Variants in PRKCE observed in about 807,000 individuals in gnomAD.
PRKCE encodes the protein protein kinase C epsilon type.
In PRKCE, 16 loss-of-function variants were observed where a neutral mutation model predicts 85.4. That is an observed-to-expected ratio of 0.19 (90% CI 0.13 to 0.28). PRKCE has a LOEUF of 0.28. PRKCE is among the 10% of genes least tolerant of loss of function. The probability of loss-of-function intolerance (pLI) is 1.00; values close to 1 mark genes in which losing one functional copy is unlikely to be tolerated. For synonymous variants in PRKCE, 388 were observed against 371.5 expected, an observed-to-expected ratio of 1.04 and a Z score of -0.51; for missense variants, 573 against 975.2, an observed-to-expected ratio of 0.59 and a Z score of 5.49.
At chr2:45,934,931 T>G (rs1432532142) in intron 2 of PRKCE, among the ~76,000 whole-genome samples, 4 of 150,454 alleles carry the variant, frequency 2.7e-5, no homozygotes, top group Admixed American at 2.6e-4. Context: ...CATGGTGGCA[T>G]GTGCCTGTAG....
At chr2:46,032,203 G>C (rs1020947015) in intron 10 of PRKCE, among the ~76,000 whole-genome samples, 3 of 151,922 alleles carry the variant, frequency 2.0e-5, no homozygotes, top group African/African-American at 7.2e-5. Flanking sequence ...TTATCTTCAT[G>C]GTGCTTTTGC....
chr2:45,955,516 G>A (rs1017484034), intron 2 of PRKCE, among the ~76,000 whole-genome samples: 3 of 152,128 alleles, frequency 2.0e-5, no homozygotes, highest in African/African-American at 4.8e-5. Context: ...CCTAGTTATA[G>A]GCTATTTACA....
chr2:45,738,705 G>A (rs17034089), intron 1 of PRKCE, among the ~76,000 whole-genome samples: 1,828 of 152,312 alleles, frequency 0.012, 36 homozygotes, highest in African/African-American at 0.042. Context: ...ATAACTCTGA[G>A]ATGTTTGATT....
intron 2 of PRKCE, among the ~76,000 whole-genome samples, chr2:45,868,319 C>CAAAAAAA (rs371501864): frequency 1.4e-3 from 50 of 35,994 alleles, no homozygotes; most frequent in African/African-American, 4.9e-3. Context: ...CTTTCCTGTC[C>CAAAAAAA]AAAAAAAAAA....
intron 11 of PRKCE, among the ~76,000 whole-genome samples, chr2:46,099,157 G>T (rs1558453172): frequency 6.6e-6 from 1 of 152,098 alleles, no homozygotes; most frequent in Non-Finnish European, 1.5e-5. Flanking sequence ...AGCCTGCCAT[G>T]ACTCCATTAT....
intron 1 of PRKCE, among the ~76,000 whole-genome samples, chr2:45,708,715 G>A (rs1280860049): frequency 6.6e-6 from 1 of 152,200 alleles, no homozygotes; most frequent in African/African-American, 2.4e-5. Context: ...GTGTGGTCCT[G>A]TGGCTCAATT....
rs146513953 is a variant in PRKCE, at chr2:46,020,092, C to T, written c.1437+9575C>T. 1.1e-3 allele frequency among the ~76,000 whole-genome samples: 161 copies of T among 152,130 alleles called. 2 individuals are homozygous for T. The East Asian group carries it at 0.026, about 25-fold the overall frequency. On this transcript the variant is annotated intron_variant, in intron 10 of 14. Transcript: ENST00000306156. Reference sequence around the variant, plus strand: ...CTCGAACTCCTGACCTCAAGTGATCCGCCTGCCTCGGCCTTCCACAATGCT... The same window carrying T: ...CTCGAACTCCTGACCTCAAGTGATCTGCCTGCCTCGGCCTTCCACAATGCT...
chr2:46,072,874 G>T (rs1574396693), intron 10 of PRKCE, among the ~76,000 whole-genome samples: 1 of 152,166 alleles, frequency 6.6e-6, no homozygotes, highest in South Asian at 2.1e-4. Context: ...ACCAACACAT[G>T]AAATTATCAG....
intron 11 of PRKCE, among the ~76,000 whole-genome samples, chr2:46,136,303 T>G (rs576596720): frequency 9.6e-4 from 147 of 152,346 alleles, no homozygotes; most frequent in African/African-American, 3.5e-3. Flanking sequence ...TGTTTCCTAT[T>G]CTTTCTGATA....
chr2:45,904,712 C>T (rs968294164), intron 2 of PRKCE, among the ~76,000 whole-genome samples: 7 of 152,172 alleles, frequency 4.6e-5, no homozygotes, highest in African/African-American at 4.8e-5. Flanking sequence ...TTCTGGAAAC[C>T]GTCTCCCCCG....
chr2:45,757,124 A>T (rs1399554562), intron 1 of PRKCE, among the ~76,000 whole-genome samples: 1 of 151,924 alleles, frequency 6.6e-6, no homozygotes, highest in Non-Finnish European at 1.5e-5. Context: ...ATTTAGAGAC[A>T]GGTGAGACAC....
At chr2:45,990,998 CCTTT>C (rs1472249575) in intron 6 of PRKCE, among the ~76,000 whole-genome samples, 50 of 150,864 alleles carry the variant, frequency 3.3e-4, no homozygotes, top group African/African-American at 1.2e-3. Flanking sequence ...TTTCTTTCTT[CCTTT>C]CTTTCTTTCT....
intron 10 of PRKCE, among the ~76,000 whole-genome samples, chr2:46,080,045 T>C (rs1472291115): frequency 6.6e-6 from 1 of 152,244 alleles, no homozygotes; most frequent in East Asian, 1.9e-4. Context: ...TTTAAAATCT[T>C]TGATTACCTC....
intron 1 of PRKCE, among the ~76,000 whole-genome samples, chr2:45,725,646 C>A (rs1291824285): frequency 6.6e-6 from 1 of 152,076 alleles, no homozygotes; most frequent in African/African-American, 2.4e-5. Context: ...TCCTGGCCAA[C>A]ATGGTGAAAT....
intron 1 of PRKCE, among the ~76,000 whole-genome samples, chr2:45,703,660 T>G (rs183346739): frequency 1.2e-3 from 184 of 152,296 alleles, no homozygotes; most frequent in African/African-American, 4.4e-3. Flanking sequence ...GCTCTCTGCA[T>G]GGAACTGATT....
intron 2 of PRKCE, among the ~76,000 whole-genome samples, chr2:45,875,631 A>G (rs917774986): frequency 2.6e-5 from 4 of 152,176 alleles, no homozygotes; most frequent in East Asian, 1.9e-4. Context: ...GATCAGGAAG[A>G]CAGTAAAGAC....
At chr2:45,819,385 C>T (rs1689337765) in intron 1 of PRKCE, among the ~76,000 whole-genome samples, 1 of 152,158 alleles carries the variant, frequency 6.6e-6, no homozygotes, top group African/African-American at 2.4e-5. Flanking sequence ...CAGAATGCTG[C>T]CTTTCCTCTG....
chr2:46,006,838 C>T (rs13398251), intron 8 of PRKCE, among the ~76,000 whole-genome samples: 23,686 of 152,182 alleles, frequency 0.16, 2,564 homozygotes, highest in East Asian at 0.32. Flanking sequence ...TGCAACATGT[C>T]ACTTGGGAAA....
rs550885727 is a variant in PRKCE, at chr2:45,856,183, C to T, written c.412+13120C>T. ...TGTGTACATAGTATAGTGATCAACT[C>T]AAGGCAATTACCATATCCCCCTCTC... On this transcript the variant is annotated intron_variant, in intron 2 of 14. Transcript: ENST00000306156. 3.3e-5 allele frequency among the ~76,000 whole-genome samples: 5 copies of T among 152,114 alleles called. 1 individual carries two copies. The South Asian group carries it at 1.0e-3, about 32-fold the overall frequency.
Sources: allele counts gnomAD v4.1 joint callset (sites outside exome capture counted in the v4.1 genomes callset), GRCh38; gene constraint gnomAD v4.1.1; transcripts MANE v1.5; gene names NCBI Gene and HGNC (gene_info 2026-07-23, HGNC 2026-07-21).